The following DLG2 variants were observed in gnomAD, a reference collection of about 807,000 sequenced individuals.
DLG2 encodes the protein disks large homolog 2.
Under a neutral mutation model 132.5 loss-of-function variants are expected in DLG2, and 45 were observed. The observed-to-expected ratio is 0.34, with a 90% CI of 0.27 to 0.44. DLG2 has a LOEUF of 0.44. DLG2 is among the 20% of genes least tolerant of loss of function. DLG2 has a pLI of 1.00. For synonymous variants in DLG2, 424 were observed against 419.6 expected (o/e 1.01, Z -0.13); for missense variants, 1,045 against 1,196.9 (o/e 0.87, Z 1.87).
intron 3 of DLG2, among the ~76,000 whole-genome samples, chr11:85,511,938 G>T (rs2094081825): frequency 6.6e-6 from 1 of 151,956 alleles, no homozygotes; most frequent in African/African-American, 2.4e-5. Context: ...TTAGTATGTT[G>T]CCCAGGCTGG....
intron 18 of DLG2, among the ~76,000 whole-genome samples, chr11:83,695,792 C>T (rs1452200960): frequency 1.3e-5 from 2 of 151,954 alleles, no homozygotes; most frequent in African/African-American, 4.8e-5. Context: ...ACCTAGAAGG[C>T]CTAAGAAGCT....
intron 7 of DLG2, among the ~76,000 whole-genome samples, chr11:84,516,225 G>T (rs183941017): frequency 4.4e-4 from 66 of 151,208 alleles, no homozygotes; most frequent in African/African-American, 1.6e-3. Context: ...GAAATAGAAA[G>T]ATTAGAGTAG....
At chr11:84,333,099 T>C (rs1252485875) in intron 7 of DLG2, among the ~76,000 whole-genome samples, 1 of 152,242 alleles carries the variant, frequency 6.6e-6, no homozygotes, top group Non-Finnish European at 1.5e-5. Context: ...GCCTTTTTGC[T>C]GTTCACATGC....
At chr11:84,336,166 G>C (rs1229234959) in intron 7 of DLG2, among the ~76,000 whole-genome samples, 1 of 152,168 alleles carries the variant, frequency 6.6e-6, no homozygotes, top group Non-Finnish European at 1.5e-5. Flanking sequence ...CGCTTAGTTT[G>C]CCTAATGGGT....
At chr11:84,623,959 T>G (rs911414556) in intron 6 of DLG2, among the ~76,000 whole-genome samples, 10 of 152,224 alleles carry the variant, frequency 6.6e-5, no homozygotes, top group East Asian at 1.9e-4. Context: ...AGTACATTTA[T>G]TTTTGTATCT....
At chr11:84,427,683 C>A (rs2098971428) in intron 7 of DLG2, among the ~76,000 whole-genome samples, 1 of 152,140 alleles carries the variant, frequency 6.6e-6, no homozygotes, top group Admixed American at 6.6e-5. Flanking sequence ...CCTTCAACTC[C>A]CCTAACCCCA....
intron 11 of DLG2, among the ~76,000 whole-genome samples, chr11:84,048,617 TC>T (rs1392167257): frequency 1.3e-5 from 2 of 151,640 alleles, no homozygotes; most frequent in Non-Finnish European, 3.0e-5. Flanking sequence ...AGTAATTTAC[TC>T]CATGGCAAGA....
At chr11:83,951,983 A>G (rs1430514044) in intron 14 of DLG2, among the ~76,000 whole-genome samples, 2 of 152,148 alleles carry the variant, frequency 1.3e-5, no homozygotes, top group African/African-American at 4.8e-5. Context: ...AAGGCGGAAA[A>G]AAAGAGAAGG....
chr11:83,965,706 T>C (rs1003289505), intron 12 of DLG2, among the ~76,000 whole-genome samples: 6 of 151,982 alleles, frequency 3.9e-5, no homozygotes, highest in African/African-American at 7.2e-5. Flanking sequence ...GAATTCAGAA[T>C]AGTATTTGTG....
chr11:85,341,493 G>A (rs370738120), intron 3 of DLG2, among the ~76,000 whole-genome samples: 2 of 152,104 alleles, frequency 1.3e-5, no homozygotes, highest in African/African-American at 4.8e-5. Flanking sequence ...CCGTTCTTGT[G>A]CCTCCAATTG....
At chr11:85,211,781 C>T (rs2082271376) in intron 4 of DLG2, among the ~76,000 whole-genome samples, 1 of 152,088 alleles carries the variant, frequency 6.6e-6, no homozygotes, top group Non-Finnish European at 1.5e-5. Context: ...TGTTGAAGCA[C>T]TCTGTGCTTC....
chr11:85,033,097 T>G (rs2061159113), intron 6 of DLG2, among the ~76,000 whole-genome samples: 1 of 152,208 alleles, frequency 6.6e-6, no homozygotes, highest in Non-Finnish European at 1.5e-5. Context: ...GTGCAAAAAG[T>G]TCCCAACAGA....
chr11:83,749,389 T>C (rs1234797823), intron 18 of DLG2, among the ~76,000 whole-genome samples: 2 of 152,200 alleles, frequency 1.3e-5, no homozygotes, highest in Non-Finnish European at 2.9e-5. Context: ...AAGAAAAAGA[T>C]GCAAATCCTG....
chr11:83,737,339 A>G lies in DLG2; in HGVS notation c.1825+49351T>C, dbSNP rs2092029739. Among the ~76,000 whole-genome samples the G allele has an allele frequency of 2.6e-5, 4 of 152,222 alleles. No individual in the cohort carries two copies. The South Asian group carries it at 8.3e-4, about 31-fold the overall frequency. On this transcript the variant is annotated intron_variant, in intron 18 of 27. Coordinates refer to ENST00000376104, the MANE Select transcript of DLG2 (RefSeq NM_001142699.3). ...CAAACATTCTCATAAAGAAAAAGTG[A>G]GTGGAGGAGAAAAGCAATTAATCAG... is the stretch of plus-strand genomic sequence containing the variant.
At chr11:84,352,239 A>C (rs188430442) in intron 7 of DLG2, among the ~76,000 whole-genome samples, 43 of 152,290 alleles carry the variant, frequency 2.8e-4, no homozygotes, top group African/African-American at 1.0e-3. Flanking sequence ...TAAAACCTTG[A>C]TTTCCATTAT....
intron 18 of DLG2, chr11:83,724,968 G>A (rs1481289333): frequency 5.7e-6 from 4 of 701,036 alleles, no homozygotes; most frequent in African/African-American, 1.7e-5. Context: ...ACTCCGCCTG[G>A]CCAGCACACA....
intron 4 of DLG2, among the ~76,000 whole-genome samples, chr11:85,256,336 C>A (rs1016180317): frequency 6.6e-6 from 1 of 152,156 alleles, no homozygotes. Flanking sequence ...AGATCATCTT[C>A]CGACTCCATC....
intron 7 of DLG2, among the ~76,000 whole-genome samples, chr11:84,271,949 CAAAAAAAA>C (rs71036417): frequency 1.3e-5 from 1 of 77,792 alleles, no homozygotes; most frequent in Non-Finnish European, 2.6e-5. Context: ...TTGATAATAA[CAAAAAAAA>C]AAAAAAAAAA....
Position 84,252,591 on chromosome 11 carries a change from C to T in DLG2, c.520-1300G>A, listed in dbSNP as rs80027461. On this transcript the variant is annotated intron_variant, in intron 7 of 27. Transcript: ENST00000376104. Reference sequence around the variant, plus strand: ...TGCAGTAATTCTCTTTAAAGTTTAGCGGGAATCTGTGTAAAACTGATACAG... The same window carrying T: ...TGCAGTAATTCTCTTTAAAGTTTAGTGGGAATCTGTGTAAAACTGATACAG... Among the ~76,000 whole-genome samples, 422 of 152,024 alleles carry T rather than the reference C, an allele frequency of 2.8e-3. 18 individuals are homozygous for T. The East Asian group carries it at 0.076, about 27-fold the overall frequency.
Sources: allele counts gnomAD v4.1 joint callset (sites outside exome capture counted in the v4.1 genomes callset), GRCh38; gene constraint gnomAD v4.1.1; transcripts MANE v1.5; gene names NCBI Gene and HGNC (gene_info 2026-07-23, HGNC 2026-07-21).